Variants in CLTRN observed in about 807,000 individuals in gnomAD.
The protein encoded by CLTRN is collectrin, amino acid transport regulator.
Under a neutral mutation model 14.5 loss-of-function variants are expected in CLTRN, and 12 were observed. The ratio of observed to expected loss-of-function variants is 0.83; its 90% CI spans 0.53 to 1.34. The LOEUF is 1.34. Ranked by LOEUF, CLTRN falls within the 40% of genes most tolerant of loss-of-function variation. CLTRN has a pLI of 0.00. For missense variants in CLTRN, 154 were observed against 165.1 expected (o/e 0.93, Z 0.37); for synonymous variants, 58 against 56.5 (o/e 1.03, Z -0.12).
chrX:15,666,541 A>G (rs1243410701), upstream of CLTRN, among the ~76,000 whole-genome samples: 1 of 112,514 alleles, frequency 8.9e-6, no homozygotes, highest in African/African-American at 3.2e-5. Flanking sequence ...AGACTTCTGC[A>G]GCACTTTGAG....
upstream of CLTRN, among the ~76,000 whole-genome samples, chrX:15,675,241 G>A (rs1034984973): frequency 1.8e-5 from 2 of 112,310 alleles, no homozygotes; most frequent in African/African-American, 6.5e-5. Flanking sequence ...GAGTAGGGAC[G>A]TGAGCCCAAG....
At position 15,659,888 on chromosome X, in the gene CLTRN, CTG is replaced by C. The variant is rs200380657; in HGVS notation, c.118-789_118-788del. 9.3e-4 allele frequency among the ~76,000 whole-genome samples: 104 copies of C among 112,210 alleles called. 2 individuals carry two copies. In the East Asian group the frequency reaches 0.025, roughly 27 times the overall value. ...ATTTCCGTTGTGTAAGGCACCCAGT[CTG>C]TGTTACTCTGTTATGGCAACCCTAG... On this transcript the variant is annotated intron_variant, in intron 2 of 5. Transcript: ENST00000380342.
intron 5 of CLTRN, among the ~76,000 whole-genome samples, chrX:15,635,663 T>C: frequency 8.9e-6 from 1 of 111,792 alleles, no homozygotes; most frequent in East Asian, 2.8e-4. Context: ...ACCTAAGACC[T>C]GAAACTATAA....
chrX:15,634,418 A>C (rs764556500), intron 5 of CLTRN, among the ~76,000 whole-genome samples: 88 of 110,378 alleles, frequency 8.0e-4, no homozygotes, highest in African/African-American at 2.6e-3. Context: ...CTTTCTATTA[A>C]AACACACATC....
chrX:15,647,279 G>C (rs896978281), intron 3 of CLTRN, among the ~76,000 whole-genome samples: 6 of 109,007 alleles, frequency 5.5e-5, no homozygotes, highest in African/African-American at 2.0e-4. Context: ...TGCTCCAGCC[G>C]ACCACTCAGC....
chrX:15,635,024 A>C (rs970909878), intron 5 of CLTRN, among the ~76,000 whole-genome samples: 19 of 111,722 alleles, frequency 1.7e-4, no homozygotes, highest in Non-Finnish European at 2.8e-4. Context: ...TCATTTTCAC[A>C]AACTGCTATT....
At chrX:15,665,512 G>A (rs1929603973), upstream of CLTRN, among the ~76,000 whole-genome samples, 2 of 112,127 alleles carry the variant, frequency 1.8e-5, no homozygotes, top group African/African-American at 3.2e-5. Context: ...CTGAGGTCTG[G>A]CACTTGAATT....
upstream of CLTRN, among the ~76,000 whole-genome samples, chrX:15,666,060 C>T (rs944155100): frequency 6.3e-5 from 7 of 111,718 alleles, no homozygotes; most frequent in Non-Finnish European, 1.3e-4. Context: ...AAGAAGGGAA[C>T]AACAGACACA....
chrX:15,658,151 T>G (rs1489472423), intron 3 of CLTRN, among the ~76,000 whole-genome samples: 1 of 112,537 alleles, frequency 8.9e-6, no homozygotes, highest in Non-Finnish European at 1.9e-5. Flanking sequence ...ATGAAATATA[T>G]TCACCTCCAT....
At chrX:15,664,211 G>T (rs1260850315) in intron 2 of CLTRN, 126 bp downstream of exon 2, 1 of 460,537 alleles carries the variant, frequency 2.2e-6, no homozygotes, top group African/African-American at 2.4e-5. Flanking sequence ...TAAGAAATCA[G>T]ATTTGAGGTC....
rs951649304 is a variant in CLTRN, at chrX:15,673,168, C to T, written c.-506+1821G>A. ...TAAAAATTATTTTTAAAAAAACAAACAGTGCTTCTCAAAAGCAAACAAAAT... is the reference window on the plus strand; with the variant it reads ...TAAAAATTATTTTTAAAAAAACAAATAGTGCTTCTCAAAAGCAAACAAAAT... On this transcript the variant is annotated intron_variant, in intron 1 of 6. Coordinates refer to the CLTRN transcript ENST00000650271. Among the ~76,000 whole-genome samples, 5 of 112,621 alleles carry T rather than the reference C, an allele frequency of 4.4e-5. No individual in the cohort carries two copies. In the Admixed American group the frequency reaches 4.7e-4, roughly 11 times the overall value.
chrX:15,650,466 A>G (rs1243035400), intron 3 of CLTRN, among the ~76,000 whole-genome samples: 2 of 112,202 alleles, frequency 1.8e-5, no homozygotes, highest in African/African-American at 3.2e-5. Flanking sequence ...ACCCACCAGC[A>G]TAAGGATGGT....
At position 15,627,734 on chromosome X, in the gene CLTRN, T is replaced by A. The variant is rs1928596612; in HGVS notation, c.*237A>T. 1 of 255,427 alleles carries A rather than the reference T, an allele frequency of 3.9e-6. No homozygotes were observed. Among genetic ancestry groups the A allele is most frequent in the Non-Finnish European group, 6.9e-6 (1 of 144,197 alleles). The allele number at this position is 255,427 out of a possible 1,213,427, so 21.1% of individuals were successfully genotyped here. ...TAACTACAAATACCACATGACCACA[T>A]TTATACACTATACTGTCAGAAAAAT... On this transcript the variant is annotated 3_prime_UTR_variant, in exon 6 of 6. Transcript: ENST00000380342.
intron 3 of CLTRN, among the ~76,000 whole-genome samples, chrX:15,658,335 A>G (rs1252274935): frequency 1.4e-4 from 16 of 112,547 alleles, no homozygotes; most frequent in Non-Finnish European, 5.6e-5. Flanking sequence ...GTACTTAGCT[A>G]GAGAGTTGCA....
chrX:15,668,804 T>C (rs1180617714), upstream of CLTRN, among the ~76,000 whole-genome samples: 1 of 112,074 alleles, frequency 8.9e-6, no homozygotes, highest in Non-Finnish European at 1.9e-5. Flanking sequence ...TTTCATTCCT[T>C]ACATTATCAT....
At chrX:15,668,953 T>C (rs1050486428), upstream of CLTRN, among the ~76,000 whole-genome samples, 13 of 112,165 alleles carry the variant, frequency 1.2e-4, no homozygotes, top group Admixed American at 1.1e-3. Flanking sequence ...TGTTGTTATG[T>C]TCTCTTTATA....
chrX:15,651,277 A>G (rs1929208168), intron 3 of CLTRN, among the ~76,000 whole-genome samples: 1 of 111,610 alleles, frequency 9.0e-6, no homozygotes, highest in Non-Finnish European at 1.9e-5. Flanking sequence ...GGTTAGGAAA[A>G]GAGTTCCTAC....
intron 4 of CLTRN, among the ~76,000 whole-genome samples, chrX:15,641,636 CTGTGTGTGTGTGTGTG>C (rs56407617): frequency 1.1e-5 from 1 of 88,491 alleles, no homozygotes; most frequent in African/African-American, 4.3e-5. Flanking sequence ...CCACACCTGG[CTGTGTGTGTGTGTGTG>C]TGTGTGTGTG....
intron 3 of CLTRN, chrX:15,646,470 GC>G: frequency 6.8e-6 from 1 of 147,631 alleles, no homozygotes; most frequent in Non-Finnish European, 1.4e-5. Context: ...CCACCCCCCC[GC>G]CCGACCCCCG....
Sources: gnomAD v4.1 joint callset for allele counts (sites outside exome capture counted in the v4.1 genomes callset) on GRCh38, gnomAD v4.1.1 for gene constraint, MANE v1.5 for transcripts, NCBI Gene and HGNC (gene_info 2026-07-23, HGNC 2026-07-21) for gene names.